ITGBL1: variants seen among roughly 807,000 people sequenced by gnomAD.
ITGBL1 encodes integrin beta-like protein 1.
Under a neutral mutation model 68.5 loss-of-function variants are expected in ITGBL1, and 51 were observed. The observed-to-expected ratio is 0.74, with a 90% CI of 0.59 to 0.94. The LOEUF is 0.94. ITGBL1 is among the 40% of genes least tolerant of loss of function. The probability of loss-of-function intolerance (pLI) is 0.00; values close to 1 mark genes in which losing one functional copy is unlikely to be tolerated. For missense variants in ITGBL1, 649 were observed against 647.4 expected, an observed-to-expected ratio of 1.00 and a Z score of -0.03; for synonymous variants, 209 against 227.3, an observed-to-expected ratio of 0.92 and a Z score of 0.72.
intron 2 of ITGBL1, among the ~76,000 whole-genome samples, chr13:101,486,117 A>AC (rs1388597517): frequency 7.1e-6 from 1 of 140,156 alleles, no homozygotes; most frequent in African/African-American, 2.7e-5. Context: ...CGAGTGGATA[A>AC]AAAAAAAATG....
chr13:101,714,644 A>G, intron 10 of ITGBL1, 93 bp downstream of exon 10: 1 of 787,896 alleles, frequency 1.3e-6, no homozygotes, highest in Non-Finnish European at 2.3e-6. Flanking sequence ...GGCTGGACCA[A>G]CAGGGCCAAC....
At chr13:101,537,109 C>T (rs1214832453) in intron 2 of ITGBL1, among the ~76,000 whole-genome samples, 5 of 151,944 alleles carry the variant, frequency 3.3e-5, no homozygotes, top group Non-Finnish European at 7.4e-5. Flanking sequence ...AGGTTAAAGT[C>T]GTACCTTCTC....
chr13:101,542,023 T>C (rs1376713479), intron 2 of ITGBL1, among the ~76,000 whole-genome samples: 2 of 152,146 alleles, frequency 1.3e-5, no homozygotes, highest in Admixed American at 6.6e-5. Flanking sequence ...GATTCATTGA[T>C]TTTTTGAAGG....
intron 2 of ITGBL1, among the ~76,000 whole-genome samples, chr13:101,535,017 G>A (rs1243494730): frequency 6.6e-6 from 1 of 152,066 alleles, no homozygotes; most frequent in Non-Finnish European, 1.5e-5. Flanking sequence ...AGCTTTGTTT[G>A]TCATATTCCT....
At chr13:101,509,456 TC>T (rs1365821478) in intron 2 of ITGBL1, among the ~76,000 whole-genome samples, 1 of 152,146 alleles carries the variant, frequency 6.6e-6, no homozygotes, top group African/African-American at 2.4e-5. Context: ...CAAACATTCA[TC>T]CCTCATTTTA....
intron 2 of ITGBL1, among the ~76,000 whole-genome samples, chr13:101,460,290 G>A (rs528549541): frequency 2.0e-5 from 3 of 152,228 alleles, no homozygotes; most frequent in South Asian, 4.1e-4. Context: ...GTAAATAAAT[G>A]TCTGTAACAG....
intron 2 of ITGBL1, among the ~76,000 whole-genome samples, chr13:101,527,142 T>C (rs1410827281): frequency 6.6e-6 from 1 of 152,076 alleles, no homozygotes; most frequent in Non-Finnish European, 1.5e-5. Context: ...ATTTAAAGTA[T>C]ACACTTTAGT....
intron 2 of ITGBL1, among the ~76,000 whole-genome samples, chr13:101,543,315 A>G (rs1012952046): frequency 7.9e-5 from 12 of 152,116 alleles, no homozygotes; most frequent in East Asian, 1.9e-4. Context: ...CTTCACTTAT[A>G]AAGCTTAGTT....
chr13:101,466,225 T>C lies in ITGBL1; in HGVS notation c.316+12125T>C, dbSNP rs117081695. Among the ~76,000 whole-genome samples, 1,073 of 152,338 alleles carry C rather than the reference T, an allele frequency of 7.0e-3. 8 individuals are homozygous for C. The highest frequency in any genetic ancestry group is 0.01 in the Non-Finnish European group (704 of 68,028). On this transcript the variant is annotated intron_variant, in intron 2 of 10. Transcript: ENST00000376180. ...TTCCCTTGACAAGGAATATTAGTAA[T>C]AGTAAAGTTCTTATCACACCTCATG...
intron 8 of ITGBL1, among the ~76,000 whole-genome samples, chr13:101,705,307 A>AAACAAC (rs574494914): frequency 6.9e-6 from 1 of 144,878 alleles, no homozygotes; most frequent in Non-Finnish European, 1.5e-5. Flanking sequence ...AAAAAAAAAA[A>AAACAAC]AACAACAACA....
chr13:101,640,499 G>A (rs550450166), intron 7 of ITGBL1, among the ~76,000 whole-genome samples: 7 of 151,976 alleles, frequency 4.6e-5, no homozygotes, highest in African/African-American at 7.2e-5. Context: ...AAATCTCACC[G>A]TATATTTTTT....
At chr13:101,544,722 G>A (rs9557697) in intron 2 of ITGBL1, among the ~76,000 whole-genome samples, 32,914 of 152,126 alleles carry the variant, frequency 0.22, 3,933 homozygotes, top group East Asian at 0.44. Context: ...CTTCCTGGCC[G>A]CTTTGTTTAC....
At chr13:101,566,796 C>T (rs565624578) in intron 2 of ITGBL1, among the ~76,000 whole-genome samples, 11 of 152,150 alleles carry the variant, frequency 7.2e-5, no homozygotes, top group Non-Finnish European at 1.3e-4. Flanking sequence ...TCAAAATCTG[C>T]TCAACTTTCA....
intron 2 of ITGBL1, among the ~76,000 whole-genome samples, chr13:101,543,383 G>GC (rs1479272945): frequency 6.6e-6 from 1 of 152,066 alleles, no homozygotes; most frequent in Non-Finnish European, 1.5e-5. Flanking sequence ...TTGAATATTG[G>GC]CCCCCACCCT....
At chr13:101,501,630 A>G (rs2139086409) in intron 2 of ITGBL1, among the ~76,000 whole-genome samples, 1 of 152,308 alleles carries the variant, frequency 6.6e-6, no homozygotes, top group South Asian at 2.1e-4. Flanking sequence ...GTAATGCCCC[A>G]TGATAGCCCT....
rs144190828 is a variant in ITGBL1 at position 101,653,681 on chromosome 13, G to A, written c.1016-38904G>A. Among the ~76,000 whole-genome samples, 452 of 151,496 alleles carry A rather than the reference G, an allele frequency of 3.0e-3. 3 individuals carry two copies. The highest frequency in any genetic ancestry group is 0.022 in the East Asian group (115 of 5,126). ...GACCACACAGTAAGAGATGAATATG[G>A]GTGGTAGAGAAGGCTTCTTTTTTTT... On this transcript the variant is annotated intron_variant, in intron 7 of 10. Transcript: ENST00000376180.
intron 7 of ITGBL1, among the ~76,000 whole-genome samples, chr13:101,627,830 GTTTA>G (rs1233503133): frequency 6.6e-6 from 1 of 152,158 alleles, no homozygotes; most frequent in Non-Finnish European, 1.5e-5. Flanking sequence ...ATGTACCACT[GTTTA>G]TTTAACCATT....
At chr13:101,526,236 G>A (rs749007773) in intron 2 of ITGBL1, among the ~76,000 whole-genome samples, 43 of 149,618 alleles carry the variant, frequency 2.9e-4, no homozygotes, top group Admixed American at 6.0e-4. Context: ...TACACATGTC[G>A]TGGTGGTTTG....
intron 2 of ITGBL1, among the ~76,000 whole-genome samples, chr13:101,481,555 C>T (rs928944079): frequency 2.6e-5 from 4 of 151,884 alleles, no homozygotes; most frequent in African/African-American, 9.7e-5. Context: ...TACAACCCTT[C>T]CTCCACCTTA....
Sources: allele counts gnomAD v4.1 joint callset (sites outside exome capture counted in the v4.1 genomes callset), GRCh38; gene constraint gnomAD v4.1.1; transcripts MANE v1.5; gene names NCBI Gene and HGNC (gene_info 2026-07-23, HGNC 2026-07-21).